The following LRRC7 variants were observed in gnomAD, a reference collection of about 807,000 sequenced individuals.
LRRC7 encodes leucine-rich repeat-containing protein 7.
A neutral mutation model predicts 175.7 loss-of-function variants in LRRC7; 23 were observed. The observed-to-expected ratio is 0.13, with a 90% CI of 0.09 to 0.19. The LOEUF (loss-of-function observed/expected upper bound fraction) is 0.19. Among genes scored for constraint, LRRC7 ranks in the 10% least tolerant of loss-of-function variants. The probability of loss-of-function intolerance (pLI) is 1.00; values close to 1 mark genes in which losing one functional copy is unlikely to be tolerated. For missense variants in LRRC7, 1,354 were observed against 1,904.7 expected, an observed-to-expected ratio of 0.71 and a Z score of 5.38; for synonymous variants, 685 against 680.9, an observed-to-expected ratio of 1.01 and a Z score of -0.09.
chr1:69,707,766 G>T (rs1444041585), intron 2 of LRRC7, among the ~76,000 whole-genome samples: 2 of 152,136 alleles, frequency 1.3e-5, no homozygotes, highest in African/African-American at 4.8e-5. Context: ...GGTAAAGTTA[G>T]AGTCATAGAG....
chr1:70,033,682 C>G (rs935326920), intron 18 of LRRC7, among the ~76,000 whole-genome samples: 2 of 152,104 alleles, frequency 1.3e-5, no homozygotes, highest in African/African-American at 4.8e-5. Flanking sequence ...AGCTACCATG[C>G]AGAGTTCCGG....
At chr1:70,020,550 A>G (rs539250914) in intron 15 of LRRC7, among the ~76,000 whole-genome samples, 1 of 152,226 alleles carries the variant, frequency 6.6e-6, no homozygotes, top group Admixed American at 6.5e-5. Context: ...TAAGGATTCT[A>G]TTTAGACAGG....
At chr1:69,771,875 C>A (rs1348432749) in intron 3 of LRRC7, among the ~76,000 whole-genome samples, 1 of 152,154 alleles carries the variant, frequency 6.6e-6, no homozygotes, top group Non-Finnish European at 1.5e-5. Context: ...AATCCCAGCA[C>A]TTTGGGATGC....
chr1:70,103,337 A>G (rs1309612448), intron 25 of LRRC7, among the ~76,000 whole-genome samples: 1 of 152,180 alleles, frequency 6.6e-6, no homozygotes, highest in African/African-American at 2.4e-5. Context: ...AGATGAGAAG[A>G]TTACCCTGGA....
At chr1:69,692,674 T>C (rs1025728511) in intron 2 of LRRC7, among the ~76,000 whole-genome samples, 3 of 152,210 alleles carry the variant, frequency 2.0e-5, no homozygotes, top group Non-Finnish European at 4.4e-5. Flanking sequence ...ATTACACTCA[T>C]TTATTCAACA....
Position 70,011,910 on chromosome 1 carries a change from C to T in LRRC7, c.1118C>T (p.Pro373Leu), listed in dbSNP as rs1656544553. Residue 373 changes from proline to leucine, a missense_variant, in exon 12 of 27, where the codon CCA becomes CTA. Physicochemically the swap from Pro to Leu is moderately conservative, Grantham distance 98. Transcript: ENST00000651989. ...RTLAVDENFL[P>L]ELPREIGSCK... ...TTAGCAGTTGATGAGAATTTCCTTC[C>T]AGAATTACCCAGAGAAGTGAGAAAT... 8 of 1,604,338 alleles carry T rather than the reference C, an allele frequency of 5.0e-6. No homozygotes were observed. Among genetic ancestry groups the T allele is most frequent in the Non-Finnish European group, 6.8e-6 (8 of 1,172,086 alleles).
chr1:69,953,458 T>G (rs2101827796), intron 8 of LRRC7, among the ~76,000 whole-genome samples: 1 of 152,166 alleles, frequency 6.6e-6, no homozygotes, highest in East Asian at 1.9e-4. Context: ...TAGTTGTCCC[T>G]ATTTATGGAG....
At chr1:69,779,221 C>A (rs1274231054) in intron 3 of LRRC7, among the ~76,000 whole-genome samples, 2 of 152,016 alleles carry the variant, frequency 1.3e-5, no homozygotes, top group African/African-American at 2.4e-5. Context: ...ACAAAAGGAA[C>A]CCCCTTCAAA....
intron 4 of LRRC7, among the ~76,000 whole-genome samples, chr1:69,808,094 A>G (rs925757735): frequency 1.3e-5 from 2 of 151,292 alleles, no homozygotes; most frequent in Admixed American, 6.6e-5. Flanking sequence ...CAATTCAGCT[A>G]TTGATACTTG....
intron 8 of LRRC7, among the ~76,000 whole-genome samples, chr1:69,976,512 C>T (rs1652836419): frequency 6.6e-6 from 1 of 152,220 alleles, no homozygotes; most frequent in Non-Finnish European, 1.5e-5. Context: ...AAGATCAATA[C>T]TTTGCATCTT....
At chr1:69,876,716 G>A (rs779725980) in intron 7 of LRRC7, among the ~76,000 whole-genome samples, 1 of 152,092 alleles carries the variant, frequency 6.6e-6, no homozygotes, top group Admixed American at 6.6e-5. Flanking sequence ...AAATTTTAGA[G>A]AAATGCAAAT....
Position 69,787,608 on chromosome 1 carries a change from C to T in LRRC7, c.304-4435C>T, listed in dbSNP as rs150638907. On this transcript the variant is annotated intron_variant, in intron 3 of 26. Transcript: ENST00000651989. ...AGCTGCCAAGGCTTGGGGCTTGCACCCTCTGAAGCCATGGCCTGAGCTCTA... is the reference window on the plus strand; with the variant it reads ...AGCTGCCAAGGCTTGGGGCTTGCACTCTCTGAAGCCATGGCCTGAGCTCTA... 2.4e-3 allele frequency among the ~76,000 whole-genome samples: 363 copies of T among 152,304 alleles called. 1 individual carries two copies. Among genetic ancestry groups the T allele is most frequent in the Middle Eastern group, 0.02 (6 of 294 alleles).
chr1:69,607,611 T>C (rs1647818401), intron 1 of LRRC7: 1 of 152,100 alleles, frequency 6.6e-6, no homozygotes, highest in South Asian at 2.1e-4. Context: ...GAATCAGCCT[T>C]GATGATGGGT....
Position 70,142,401 on chromosome 1 carries a change from T to C in LRRC7, c.*20514T>C, listed in dbSNP as rs1571414910. ...TCTCTTTAACATCCTCAAATACACT[T>C]TCATCCTTGAAAACACAAGCCTATT... is the stretch of plus-strand genomic sequence containing the variant. On this transcript the variant is annotated 3_prime_UTR_variant, in exon 27 of 27. Transcript: ENST00000651989. 1 of 152,148 alleles carries C rather than the reference T, an allele frequency of 6.6e-6. No homozygotes were observed. Among genetic ancestry groups the C allele is most frequent in the East Asian group, 1.9e-4 (1 of 5,198 alleles). The allele number at this position is 152,148 out of a possible 1,614,324, so 9.4% of individuals were successfully genotyped here. A position where few individuals can be genotyped will look rare whatever the true frequency, so the allele number is the denominator to read the frequency against.
At chr1:70,092,357 C>G (rs1281018114) in intron 25 of LRRC7, among the ~76,000 whole-genome samples, 1 of 152,080 alleles carries the variant, frequency 6.6e-6, no homozygotes, top group East Asian at 1.9e-4. Flanking sequence ...AAAGTTTAAA[C>G]TTTAATATGA....
At chr1:70,022,277 G>A (rs1301121516) in intron 16 of LRRC7, 1 of 152,124 alleles carries the variant, frequency 6.6e-6, no homozygotes, top group African/African-American at 2.4e-5. Flanking sequence ...GAACATTTCA[G>A]TTCTTTTACG....
intron 20 of LRRC7, among the ~76,000 whole-genome samples, chr1:70,037,410 T>C (rs1659415291): frequency 6.6e-6 from 1 of 152,244 alleles, no homozygotes; most frequent in Admixed American, 6.5e-5. Context: ...ATTTGCATTA[T>C]CTCAGTATCT....
intron 1 of LRRC7, among the ~76,000 whole-genome samples, chr1:69,616,950 G>T (rs1350377241): frequency 6.6e-6 from 1 of 152,110 alleles, no homozygotes; most frequent in Non-Finnish European, 1.5e-5. Context: ...GTCAGAACTT[G>T]TGCCTAACTT....
At chr1:69,778,379 C>A (rs1673054404) in intron 3 of LRRC7, among the ~76,000 whole-genome samples, 1 of 152,202 alleles carries the variant, frequency 6.6e-6, no homozygotes, top group South Asian at 2.1e-4. Context: ...TCTATTTAAT[C>A]TTTGTTTCCA....
Sources: allele counts gnomAD v4.1 joint callset (sites outside exome capture counted in the v4.1 genomes callset), GRCh38; gene constraint gnomAD v4.1.1; transcripts MANE v1.5; gene names NCBI Gene and HGNC (gene_info 2026-07-23, HGNC 2026-07-21).